The following AFG2A variants were observed in gnomAD, a reference collection of about 807,000 sequenced individuals.
AFG2A encodes AAA ATPase AFG2A.
At chr4:123,068,093 T>C in the AFG2A span, among the ~76,000 whole-genome samples, 1 of 152,194 alleles carries the variant, frequency 6.6e-6, no homozygotes, top group Non-Finnish European at 1.5e-5. Context: ...CTGTACATTT[T>C]CCCCTATTGT....
chr4:123,023,961 G>A, the AFG2A span, among the ~76,000 whole-genome samples: 16 of 152,104 alleles, frequency 1.1e-4, no homozygotes, highest in East Asian at 7.8e-4. Context: ...CACCGAGAGC[G>A]CATGCCTGAT....
At chr4:123,284,770 A>T in the AFG2A span, among the ~76,000 whole-genome samples, 1 of 152,094 alleles carries the variant, frequency 6.6e-6, no homozygotes, top group African/African-American at 2.4e-5. Flanking sequence ...ATGTAATGTA[A>T]CCCTTCCAGT....
chr4:123,268,533 A>G, the AFG2A span, among the ~76,000 whole-genome samples: 1 of 152,182 alleles, frequency 6.6e-6, no homozygotes, highest in Admixed American at 6.5e-5. Flanking sequence ...GCCTCAAACC[A>G]TCACATTCAA....
chr4:123,094,511 A>G, the AFG2A span, among the ~76,000 whole-genome samples: 5 of 152,126 alleles, frequency 3.3e-5, no homozygotes, highest in African/African-American at 1.2e-4. Flanking sequence ...AAGATTATAT[A>G]TCAAGAAAAA....
At chr4:123,140,497 G>GTT in the AFG2A span, among the ~76,000 whole-genome samples, 14,650 of 143,452 alleles carry the variant, frequency 0.1, 1,510 homozygotes, top group African/African-American at 0.27. Flanking sequence ...AGAGGATAAG[G>GTT]TTTTTTTTTT....
At chr4:123,023,588 A>G in the AFG2A span, among the ~76,000 whole-genome samples, 3 of 151,522 alleles carry the variant, frequency 2.0e-5, no homozygotes, top group East Asian at 5.8e-4. Context: ...AGAGTTGCAC[A>G]TTTTAATAAA....
At chr4:123,153,897 G>A in the AFG2A span, among the ~76,000 whole-genome samples, 1 of 152,170 alleles carries the variant, frequency 6.6e-6, no homozygotes, top group Non-Finnish European at 1.5e-5. Context: ...CAAACCAGGA[G>A]GCAGTGGAAT....
the AFG2A span, among the ~76,000 whole-genome samples, chr4:123,232,429 T>A: frequency 6.6e-6 from 1 of 152,120 alleles, no homozygotes; most frequent in East Asian, 1.9e-4. Context: ...TAGTTCATCT[T>A]TTCCAATCCT....
chr4:122,943,545 G>A, the AFG2A span, among the ~76,000 whole-genome samples: 1 of 152,010 alleles, frequency 6.6e-6, no homozygotes, highest in East Asian at 1.9e-4. Context: ...ACGTGAGATG[G>A]GTTTCCTGAA....
At chr4:123,272,273 G>A in the AFG2A span, among the ~76,000 whole-genome samples, 1,058 of 152,156 alleles carry the variant, frequency 7.0e-3, 9 homozygotes, top group African/African-American at 0.024. Context: ...AATAGCCACC[G>A]TGAGCTCAGT....
chr4:123,124,718 C>CT, the AFG2A span, among the ~76,000 whole-genome samples: 1 of 152,022 alleles, frequency 6.6e-6, no homozygotes, highest in South Asian at 2.1e-4. Context: ...TGAATATGAA[C>CT]TTTAAGAGGA....
the AFG2A span, among the ~76,000 whole-genome samples, chr4:123,175,794 G>A: frequency 4.6e-5 from 7 of 152,138 alleles, no homozygotes; most frequent in African/African-American, 1.2e-4. Flanking sequence ...GCATCCTGTG[G>A]AACGTTCTGT....
the AFG2A span, among the ~76,000 whole-genome samples, chr4:123,281,333 T>A: frequency 6.6e-6 from 1 of 152,160 alleles, no homozygotes; most frequent in Admixed American, 6.5e-5. Flanking sequence ...GCAAAAATTC[T>A]CAAAGATAGT....
chr4:123,153,392 G>A, the AFG2A span, among the ~76,000 whole-genome samples: 1 of 152,208 alleles, frequency 6.6e-6, no homozygotes, highest in African/African-American at 2.4e-5. Flanking sequence ...ATCTCACAGG[G>A]CTAGCCCAAA....
chr4:122,927,739 G>A, the AFG2A span: 2 of 1,612,984 alleles, frequency 1.2e-6, no homozygotes, highest in Middle Eastern at 3.3e-4. Context: ...TTGCTTACTA[G>A]TTTGAACGGA....
At chr4:122,923,391 A>G in the AFG2A span, 1 of 1,554,974 alleles carries the variant, frequency 6.4e-7, no homozygotes, top group East Asian at 2.2e-5. Context: ...TGGGGTGCAG[A>G]GACTTTTGAA....
At chr4:123,122,330 C>A in the AFG2A span, among the ~76,000 whole-genome samples, 1 of 152,174 alleles carries the variant, frequency 6.6e-6, no homozygotes, top group African/African-American at 2.4e-5. Context: ...ATTTAAAACA[C>A]CTAACCTACC....
the AFG2A span, among the ~76,000 whole-genome samples, chr4:123,148,951 T>C: frequency 6.6e-6 from 1 of 151,986 alleles, no homozygotes; most frequent in Admixed American, 6.6e-5. Context: ...GTATTTTTAG[T>C]AGAGACAAGG....
chr4:123,126,770 C>G, the AFG2A span, among the ~76,000 whole-genome samples: 1 of 152,190 alleles, frequency 6.6e-6, no homozygotes, highest in Non-Finnish European at 1.5e-5. Context: ...CCATGCCAAA[C>G]TATGAGTCAA....
Sources: gnomAD v4.1 joint callset for allele counts (sites outside exome capture counted in the v4.1 genomes callset) on GRCh38, gnomAD v4.1.1 for gene constraint, MANE v1.5 for transcripts, NCBI Gene and HGNC (gene_info 2026-07-23, HGNC 2026-07-21) for gene names.